Variants in RIC8B observed in about 807,000 individuals in gnomAD.
RIC8B encodes the protein RIC8 guanine nucleotide exchange factor B.
A neutral mutation model predicts 57.5 loss-of-function variants in RIC8B; 16 were observed. The observed-to-expected ratio is 0.28, with a 90% CI of 0.19 to 0.42. The LOEUF is 0.42. Among genes scored for constraint, RIC8B ranks in the 10% least tolerant of loss-of-function variants. The pLI, the probability that RIC8B is intolerant of heterozygous loss-of-function variation, is 1.00. For missense variants in RIC8B, 481 were observed against 677.0 expected (o/e 0.71, Z 3.21); for synonymous variants, 216 against 250.8 (o/e 0.86, Z 1.31).
chr12:106,851,333 T>TTG, intron 6 of RIC8B, 117 bp from the exon 7 acceptor site: 2 of 434,590 alleles, frequency 4.6e-6, no homozygotes, highest in Non-Finnish European at 7.3e-6. Context: ...TTTTTTTTTT[T>TTG]TTTGCTCCTA....
At chr12:106,831,400 C>G (rs1196128702) in intron 4 of RIC8B, among the ~76,000 whole-genome samples, 5 of 152,186 alleles carry the variant, frequency 3.3e-5, no homozygotes, top group Non-Finnish European at 7.4e-5. Context: ...TGTAGAAAAT[C>G]TGTTTCCCCT....
rs1253707472 is a variant in RIC8B at position 106,871,493 on chromosome 12, AAAAAACC to A, written c.1571+557_1571+563del. On this transcript the variant is annotated intron_variant, in intron 9 of 9. Coordinates refer to ENST00000392837, the MANE Select transcript of RIC8B (RefSeq NM_001330145.2). ...TTCTAAAAAAAAAAAAAAAAAAAAA[AAAAAACC>A]AAAAAACTCCCCTTCCCCTCTTGCT... 18 of 134,884 alleles carry A rather than the reference AAAAAACC, an allele frequency of 1.3e-4. 1 individual carries two copies. The highest frequency in any genetic ancestry group is 4.7e-4 in the African/African-American group (16 of 33,882). 8.4% of individuals were successfully genotyped at this position (134,884 alleles called of 1,614,324 possible).
intron 2 of RIC8B, chr12:106,798,016 T>G (rs1566049988): frequency 1.4e-6 from 1 of 711,364 alleles, no homozygotes; most frequent in East Asian, 2.7e-5. Context: ...CATAAAGCTT[T>G]GACATTAAAC....
At chr12:106,865,445 A>G (rs1425918808) in intron 8 of RIC8B, among the ~76,000 whole-genome samples, 2 of 152,204 alleles carry the variant, frequency 1.3e-5, no homozygotes, top group Non-Finnish European at 2.9e-5. Context: ...TTTCTTTGAT[A>G]TAACCAAAAC....
intron 2 of RIC8B, among the ~76,000 whole-genome samples, chr12:106,795,860 T>C (rs1191744975): frequency 6.6e-6 from 1 of 152,186 alleles, no homozygotes; most frequent in Non-Finnish European, 1.5e-5. Flanking sequence ...TATACAGGAA[T>C]GTTTCTGTAT....
chr12:106,780,182 C>T (rs929705212), intron 1 of RIC8B, among the ~76,000 whole-genome samples: 6 of 152,164 alleles, frequency 3.9e-5, no homozygotes, highest in East Asian at 1.9e-4. Context: ...CCAACCCCCT[C>T]GTTTAATAGA....
At chr12:106,803,779 CATGTGGACTT>C (rs1392948380) in intron 2 of RIC8B, among the ~76,000 whole-genome samples, 1 of 152,196 alleles carries the variant, frequency 6.6e-6, no homozygotes, top group Non-Finnish European at 1.5e-5. Context: ...GTCACTTCTA[CATGTGGACTT>C]ATTTCAATCA....
At chr12:106,859,819 C>T (rs1459414604) in intron 7 of RIC8B, among the ~76,000 whole-genome samples, 1 of 152,130 alleles carries the variant, frequency 6.6e-6, no homozygotes, top group African/African-American at 2.4e-5. Flanking sequence ...TTATTTCTTA[C>T]TTCCTTTTCC....
intron 9 of RIC8B, among the ~76,000 whole-genome samples, chr12:106,880,118 T>C (rs1404671960): frequency 7.2e-6 from 1 of 139,200 alleles, no homozygotes; most frequent in Admixed American, 7.0e-5. Context: ...GCCTGTTTAT[T>C]GAGGGCCATG....
intron 4 of RIC8B, among the ~76,000 whole-genome samples, chr12:106,830,961 CTGTCA>C (rs2046330019): frequency 6.6e-6 from 1 of 152,130 alleles, no homozygotes; most frequent in African/African-American, 2.4e-5. Context: ...TAAGTATGGT[CTGTCA>C]TGATGAAGAA....
At chr12:106,864,832 CCTT>C (rs1276914470) in intron 8 of RIC8B, among the ~76,000 whole-genome samples, 6 of 152,150 alleles carry the variant, frequency 3.9e-5, no homozygotes, top group Non-Finnish European at 7.4e-5. Flanking sequence ...ACATTCCCCT[CCTT>C]CTAGCTCCTG....
In RIC8B at chr12:106,801,446, A is replaced by G. The variant is rs1351283903; in HGVS notation, c.133-13250A>G. Among the ~76,000 whole-genome samples the G allele has an allele frequency of 2.0e-5, 3 of 152,214 alleles. No homozygotes were observed. In the South Asian group the frequency reaches 6.2e-4, roughly 32 times the overall value. On this transcript the variant is annotated intron_variant, in intron 2 of 9. Coordinates refer to ENST00000392837, the MANE Select transcript of RIC8B (RefSeq NM_001330145.2). ...TTTTTTTGACAGATCACCATGATAT[A>G]TAACATAACATTGATTGTGTTACTG... is the stretch of plus-strand genomic sequence containing the variant.
intron 2 of RIC8B, among the ~76,000 whole-genome samples, chr12:106,785,813 CTGTGTGTGTG>C (rs61337359): frequency 0.015 from 1,894 of 123,750 alleles, 64 homozygotes; most frequent in African/African-American, 0.05. Context: ...CTCTCTCTCT[CTGTGTGTGTG>C]TGTGTGTGTG....
intron 2 of RIC8B, among the ~76,000 whole-genome samples, chr12:106,793,221 G>C (rs2044334279): frequency 6.6e-6 from 1 of 152,134 alleles, no homozygotes; most frequent in South Asian, 2.1e-4. Flanking sequence ...TACTTCAGTT[G>C]AGCTGTCAGC....
chr12:106,803,684 G>C (rs1466489921), intron 2 of RIC8B, among the ~76,000 whole-genome samples: 2 of 151,976 alleles, frequency 1.3e-5, no homozygotes, highest in African/African-American at 4.8e-5. Context: ...CTTTATCTGA[G>C]TTTCACCAAC....
chr12:106,782,268 T>C (rs920746705), intron 1 of RIC8B, among the ~76,000 whole-genome samples: 1 of 152,226 alleles, frequency 6.6e-6, no homozygotes, highest in Non-Finnish European at 1.5e-5. Flanking sequence ...TCTCTCCTTC[T>C]AGATCAGTAG....
At chr12:106,800,089 T>A (rs1168287975) in intron 2 of RIC8B, among the ~76,000 whole-genome samples, 1 of 152,132 alleles carries the variant, frequency 6.6e-6, no homozygotes, top group Non-Finnish European at 1.5e-5. Context: ...TGGTGTCTCT[T>A]ATAAGGGAAG....
In RIC8B at chr12:106,842,803, A is replaced by G; in HGVS notation, c.1051A>G (p.Lys351Glu). The G allele has an allele frequency of 6.2e-7, 1 of 1,604,642 alleles. No individual in the cohort carries two copies. Among genetic ancestry groups the G allele is most frequent in the South Asian group, 1.1e-5 (1 of 90,780 alleles). The change falls in exon 5 of 10, where the codon AAG becomes GAG. Residue 351 changes from lysine to glutamate, a missense_variant. This residue lies in a region of RIC8B where 421 missense variants were observed against 560.9 expected (regional missense o/e 0.75). Transcript: ENST00000392837. Reference sequence around the variant, plus strand: ...TCATGTTTTACTGAATTTTATGGAGAAGAGAATAGACAAGGTAAGGCTGAT... The same window carrying G: ...TCATGTTTTACTGAATTTTATGGAGGAGAGAATAGACAAGGTAAGGCTGAT... The part of the protein sequence containing the change: ...AIHVLLNFME[K>E]RIDKGSSYRE...
chr12:106,875,426 G>C (rs1950617810), intron 9 of RIC8B, among the ~76,000 whole-genome samples: 1 of 152,110 alleles, frequency 6.6e-6, no homozygotes, highest in South Asian at 2.1e-4. Context: ...AGCCCACTGT[G>C]CCTAATACAA....
Sources: allele counts gnomAD v4.1 joint callset (sites outside exome capture counted in the v4.1 genomes callset), GRCh38; gene constraint gnomAD v4.1.1; regional missense constraint gnomAD v4.1.1; transcripts MANE v1.5; gene names NCBI Gene and HGNC (gene_info 2026-07-23, HGNC 2026-07-21).